The following LIPA variants were observed in gnomAD, a reference collection of about 807,000 sequenced individuals.
The protein encoded by LIPA is lipase A, lysosomal acid type.
A neutral mutation model predicts 40.6 loss-of-function variants in LIPA; 26 were observed. That is an observed-to-expected ratio of 0.64 (90% CI 0.47 to 0.89). The LOEUF is 0.89. LIPA is among the 40% of genes least tolerant of loss of function. LIPA has a pLI of 0.00. For synonymous variants in LIPA, 188 were observed against 168.4 expected (o/e 1.12, Z -0.90); for missense variants, 455 against 479.6 (o/e 0.95, Z 0.48).
At chr10:89,384,152 C>A in intron 2 of LIPA, 1 of 1,614,196 alleles carries the variant, frequency 6.2e-7, no homozygotes, top group Non-Finnish European at 8.5e-7. Flanking sequence ...GCCTTGGAGA[C>A]AACACCCACT....
intron 1 of LIPA, among the ~76,000 whole-genome samples, chr10:89,260,365 C>A (rs369091051): frequency 6.6e-6 from 1 of 152,198 alleles, no homozygotes; most frequent in African/African-American, 2.4e-5. Flanking sequence ...AACAAGGATA[C>A]CTGGCTCCTG....
chr10:89,231,766 T>C (rs1842845404), intron 3 of LIPA, among the ~76,000 whole-genome samples: 1 of 152,192 alleles, frequency 6.6e-6, no homozygotes, highest in South Asian at 2.1e-4. Context: ...AAGTGAAACA[T>C]CATGTATGGC....
chr10:89,259,061 G>T (rs1025048925), intron 1 of LIPA, among the ~76,000 whole-genome samples: 1 of 152,294 alleles, frequency 6.6e-6, no homozygotes, highest in African/African-American at 2.4e-5. Context: ...GCTAAAGGAT[G>T]GGGAAGAAGA....
chr10:89,388,951 A>G (rs895291813), intron 2 of LIPA, among the ~76,000 whole-genome samples: 1 of 152,218 alleles, frequency 6.6e-6, no homozygotes, highest in Non-Finnish European at 1.5e-5. Context: ...ATCATTTGCA[A>G]CGAAGAATTT....
chr10:89,222,556 A>C lies in LIPA; in HGVS notation c.849T>G (p.His283Gln). The C allele has an allele frequency of 6.2e-7, 1 of 1,608,702 alleles. No individual in the cohort carries two copies. The highest frequency in any genetic ancestry group is 1.1e-5 in the South Asian group (1 of 91,004). Residue 283 changes from histidine (H) to glutamine (Q), a missense_variant, in exon 8 of 10, where the codon CAT (histidine) becomes CAG (glutamine). Physicochemically the swap from His to Gln is conservative, Grantham distance 24 (BLOSUM62 0). Coordinates refer to ENST00000336233, the MANE Select transcript of LIPA (RefSeq NM_000235.4). ...NMSRVDVYTT[H>Q]SPAGTSVQNM... ...TTTGCACAGAAGTTCCAGCAGGAGA[A>C]TGTGTTGTATATACATCCACTCTAG...
intron 1 of LIPA, among the ~76,000 whole-genome samples, chr10:89,300,467 C>T (rs1054459603): frequency 6.6e-6 from 1 of 152,120 alleles, no homozygotes; most frequent in Admixed American, 6.5e-5. Context: ...GATACATACC[C>T]CAATTACCCT....
intron 2 of LIPA, among the ~76,000 whole-genome samples, chr10:89,246,574 C>G (rs1564764644): frequency 6.6e-6 from 1 of 152,200 alleles, no homozygotes; most frequent in Non-Finnish European, 1.5e-5. Flanking sequence ...TCTCCTGGCT[C>G]ACTGTGAATT....
At position 89,334,370 on chromosome 10, in the gene LIPA, A is replaced by G. The variant is rs575456501; in HGVS notation, c.-2+8241T>C. 2.4e-4 allele frequency among the ~76,000 whole-genome samples: 36 copies of G among 150,306 alleles called. No individual in the cohort carries two copies. In the South Asian group the frequency reaches 2.5e-3, roughly 11 times the overall value. On this transcript the variant is annotated intron_variant, in intron 1 of 5. Transcript: ENST00000282673. ...CTCTTTCTGGACCTGAGGGAATCCT[A>G]TCTCCCTAAGGTCTTCTACTAGATG...
At chr10:89,345,941 A>C (rs1843917198), upstream of LIPA, among the ~76,000 whole-genome samples, 1 of 152,236 alleles carries the variant, frequency 6.6e-6, no homozygotes, top group Non-Finnish European at 1.5e-5. Context: ...ATCCTCAAAT[A>C]CATGAATTTC....
At chr10:89,360,394 A>G (rs951995679) in intron 2 of LIPA, among the ~76,000 whole-genome samples, 3 of 152,192 alleles carry the variant, frequency 2.0e-5, no homozygotes, top group African/African-American at 7.2e-5. Flanking sequence ...TCATTAGCCA[A>G]AGGGGTAAGG....
intron 1 of LIPA, among the ~76,000 whole-genome samples, chr10:89,294,227 A>G (rs1843395253): frequency 6.6e-6 from 1 of 152,236 alleles, no homozygotes; most frequent in Admixed American, 6.5e-5. Context: ...AGACTGCCCA[A>G]CTGCAGTCTA....
chr10:89,370,804 G>T (rs1349672776), intron 2 of LIPA, among the ~76,000 whole-genome samples: 1 of 152,028 alleles, frequency 6.6e-6, no homozygotes, highest in African/African-American at 2.4e-5. Context: ...GTCACCTGAG[G>T]TCAGGAGTTC....
intron 1 of LIPA, among the ~76,000 whole-genome samples, chr10:89,274,520 G>A (rs927069534): frequency 6.6e-6 from 1 of 152,146 alleles, no homozygotes; most frequent in Non-Finnish European, 1.5e-5. Flanking sequence ...TTGAACATCT[G>A]AGAAACTAGG....
At chr10:89,384,494 C>G in intron 2 of LIPA, 1 of 1,614,000 alleles carries the variant, frequency 6.2e-7, no homozygotes. Context: ...CATGGGAAAT[C>G]TCAAGATAAA....
intron 6 of LIPA, among the ~76,000 whole-genome samples, chr10:89,224,413 C>A (rs1287914692): frequency 2.6e-5 from 4 of 152,168 alleles, no homozygotes; most frequent in Admixed American, 2.0e-4. Flanking sequence ...CTATTTAAGT[C>A]TTCTAAATGG....
chr10:89,251,935 T>G (rs1332326), upstream of LIPA: 90,162 of 152,860 alleles, frequency 0.59, 27,346 homozygotes, highest in South Asian at 0.74. Flanking sequence ...AGACCAGCGC[T>G]GCCGCTTGCC....
At chr10:89,397,486 G>C (rs970296366) in intron 2 of LIPA, among the ~76,000 whole-genome samples, 1 of 152,030 alleles carries the variant, frequency 6.6e-6, no homozygotes, top group Non-Finnish European at 1.5e-5. Flanking sequence ...GTGGAATAAA[G>C]TTATAAATTA....
upstream of LIPA, among the ~76,000 whole-genome samples, chr10:89,253,357 T>C (rs1843158515): frequency 6.6e-6 from 1 of 152,212 alleles, no homozygotes; most frequent in South Asian, 2.1e-4. Context: ...AGGCTTGTCT[T>C]ACATGGCGGC....
intron 1 of LIPA, among the ~76,000 whole-genome samples, chr10:89,249,282 T>A (rs1169207249): frequency 2.0e-5 from 3 of 152,188 alleles, no homozygotes; most frequent in Non-Finnish European, 2.9e-5. Context: ...TGACTCAAAA[T>A]CACAGCAAAG....
Sources: allele counts gnomAD v4.1 joint callset (sites outside exome capture counted in the v4.1 genomes callset), GRCh38; gene constraint gnomAD v4.1.1; transcripts MANE v1.5; gene names NCBI Gene and HGNC (gene_info 2026-07-23, HGNC 2026-07-21).